Variants in HDAC7 observed in about 807,000 individuals in gnomAD.
The protein encoded by HDAC7 is histone deacetylase 7A.
Under a neutral mutation model 115.5 loss-of-function variants are expected in HDAC7, and 26 were observed. That is an observed-to-expected ratio of 0.23 (90% CI 0.16 to 0.31). The LOEUF (loss-of-function observed/expected upper bound fraction) is 0.31, where lower values mean the gene tolerates loss of function less well. Among genes scored for constraint, HDAC7 ranks in the 10% least tolerant of loss-of-function variants. The pLI is 1.00. For missense variants in HDAC7, 1,068 were observed against 1,329.0 expected, an observed-to-expected ratio of 0.80 and a Z score of 3.05; for synonymous variants, 564 against 550.9, an observed-to-expected ratio of 1.02 and a Z score of -0.33.
In HDAC7 at chr12:47,783,148, C is replaced by G. The variant is rs993084970; in HGVS notation, c.*693G>C. 1 of 152,716 alleles carries G rather than the reference C, an allele frequency of 6.5e-6. No individual in the cohort carries two copies. Among genetic ancestry groups the G allele is most frequent in the Non-Finnish European group, 1.5e-5 (1 of 68,440 alleles). 9.5% of individuals were successfully genotyped at this position (152,716 alleles called of 1,614,324 possible). A position where few individuals can be genotyped will look rare whatever the true frequency, so the allele number is the denominator to read the frequency against. On this transcript the variant is annotated 3_prime_UTR_variant, in exon 26 of 26. Transcript: ENST00000080059. ...GATGAAGGGTTTGGCACCATTGGATCAGGAAGCACAGGACTCCCAGAGCAC... is the reference window on the plus strand; with the variant it reads ...GATGAAGGGTTTGGCACCATTGGATGAGGAAGCACAGGACTCCCAGAGCAC...
In HDAC7 at chr12:47,783,900, C is replaced by T. The variant is rs201824169; in HGVS notation, c.2931-14G>A. The stretch of plus-strand genomic sequence containing the variant: ...TGCTCCGAGGGCCTGTGGGGAGGGA[C>T]AAGGGTGGGATGCTGGAGCACCAGG... On this transcript the variant is annotated splice_polypyrimidine_tract_variant and intron_variant, in intron 25 of 25. Coordinates refer to ENST00000080059, the MANE Select transcript of HDAC7 (RefSeq NM_015401.5). 3.6e-5 allele frequency: 58 copies of T among 1,613,062 alleles called. No individual in the cohort carries two copies. In the African/African-American group the frequency reaches 6.9e-4, roughly 19 times the overall value.
chr12:47,785,324 G>A (rs774139481), intron 24 of HDAC7, 63 bp downstream of exon 24: 2 of 1,410,078 alleles, frequency 1.4e-6, no homozygotes, highest in Admixed American at 2.1e-5. Flanking sequence ...TGGCCACGGT[G>A]GGGCAGGGTA....
Position 47,819,824 on chromosome 12 carries a change from G to T in HDAC7, c.-39C>A, listed in dbSNP as rs1944972864. Reference sequence around the variant, plus strand: ...CCCTCAGAGCGGGGGGCTCATGGCGGGGCGGGGGGCTGGGGCGCCGGCCTC... The same window carrying T: ...CCCTCAGAGCGGGGGGCTCATGGCGTGGCGGGGGGCTGGGGCGCCGGCCTC... On this transcript the variant is annotated 5_prime_UTR_variant, in exon 1 of 26. Transcript: ENST00000080059. The T allele has an allele frequency of 4.8e-6, 1 of 207,148 alleles. No homozygotes were observed. Among genetic ancestry groups the T allele is most frequent in the South Asian group, 1.6e-4 (1 of 6,228 alleles). The allele number at this position is 207,148 out of a possible 1,614,324, so 12.8% of individuals were successfully genotyped here. A position where few individuals can be genotyped will look rare whatever the true frequency, so the allele number is the denominator to read the frequency against.
chr12:47,817,376 C>T (rs1344690966), intron 1 of HDAC7: 1 of 152,472 alleles, frequency 6.6e-6, no homozygotes, highest in African/African-American at 2.4e-5. Context: ...TCCTCACCAT[C>T]ACCACAGGAA....
Position 47,795,869 on chromosome 12 carries a change from G to T in HDAC7, c.906+37C>A. 6.6e-7 allele frequency: 1 copy of T among 1,524,360 alleles called. No individual in the cohort carries two copies. The highest frequency in any genetic ancestry group is 1.2e-5 in the South Asian group (1 of 83,528). 94.4% of individuals were successfully genotyped at this position (1,524,360 alleles called of 1,614,324 possible). On this transcript the variant is annotated intron_variant, in intron 9 of 25. Coordinates refer to ENST00000080059, the MANE Select transcript of HDAC7 (RefSeq NM_015401.5). This position sits in a 1 kb window ranked among gnomAD's most constrained non-coding sequence, Gnocchi z 4.3. ...AGAAAAGGGAGTGAAAGAAGCTGGG[G>T]GGGCTTGGAGTGGGGGTGGGCACCC...
Position 47,797,497 on chromosome 12 carries a change from G to T in HDAC7, c.464C>A (p.Thr155Asn). The T allele has an allele frequency of 6.2e-7, 1 of 1,609,076 alleles. No homozygotes were observed. Among genetic ancestry groups the T allele is most frequent in the Non-Finnish European group, 8.5e-7 (1 of 1,177,050 alleles). The change falls in exon 6 of 26, where the codon ACC becomes AAC. Residue 155 changes from threonine (T) to asparagine (N), a missense_variant and splice_region_variant. Physicochemically the swap from Thr to Asn is moderately conservative, Grantham distance 65. Around this residue, in one of 6 missense-constraint regions of HDAC7, gnomAD observed 618 missense variants for 701.5 expected, o/e 0.88. Transcript: ENST00000080059. This position sits in a 1 kb window ranked among gnomAD's most constrained non-coding sequence, Gnocchi z 5.5. ...TCCTTCCGTCTCCAGGGGCTCCAGG[G>T]TTCTACAGAACGAGTGCCAAGGCTG... ...HPNSPGIPYR[T>N]LEPLETEGAT...
At position 47,803,637 on chromosome 12, in the gene HDAC7, C is replaced by G. The variant is rs1944267417; in HGVS notation, c.20-1363G>C. Among the ~76,000 whole-genome samples the G allele has an allele frequency of 6.6e-6, 1 of 152,218 alleles. No individual in the cohort carries two copies. The highest frequency in any genetic ancestry group is 1.5e-5 in the Non-Finnish European group (1 of 68,034). Reference sequence around the variant, plus strand: ...TCGCTCTGTGTCTACCACCTTGACACTTCATTCATCATGATCTCTGTGGTG... The same window carrying G: ...TCGCTCTGTGTCTACCACCTTGACAGTTCATTCATCATGATCTCTGTGGTG... On this transcript the variant is annotated intron_variant, in intron 1 of 25. Coordinates refer to ENST00000080059, the MANE Select transcript of HDAC7 (RefSeq NM_015401.5). The surrounding 1 kb of genome is among the most constrained non-coding windows in gnomAD (Gnocchi z 4.0).
At chr12:47,800,067 G>A (rs1413570318) in intron 2 of HDAC7, among the ~76,000 whole-genome samples, 1 of 152,204 alleles carries the variant, frequency 6.6e-6, no homozygotes, top group African/African-American at 2.4e-5. Flanking sequence ...ACCAGTCCAG[G>A]AGTCAGAAAT....
Position 47,795,730 on chromosome 12 carries a change from G to C in HDAC7, c.944C>G (p.Pro315Arg). The stretch of plus-strand genomic sequence containing the variant: ...GGGGCTCCCCAGGATTGGCCCCCGA[G>C]GGCCCAGAGTCGGATGGGTCCTGCG... ...SDRRTHPTLG[P>R]RGPILGSPHT... The change falls in exon 10 of 26, where the codon CCT (proline) becomes CGT (arginine). Residue 315 changes from proline (P) to arginine (R), a missense_variant. Pro to Arg is a moderately radical substitution (Grantham distance 103, BLOSUM62 -2). Around this residue, in one of 6 missense-constraint regions of HDAC7, gnomAD observed 618 missense variants for 701.5 expected, o/e 0.88. Coordinates refer to ENST00000080059, the MANE Select transcript of HDAC7 (RefSeq NM_015401.5). The surrounding 1 kb of genome is among the most constrained non-coding windows in gnomAD (Gnocchi z 4.3). The C allele has an allele frequency of 1.9e-6, 3 of 1,545,542 alleles. No individual in the cohort carries two copies. Among genetic ancestry groups the C allele is most frequent in the Non-Finnish European group, 2.6e-6 (3 of 1,144,232 alleles).
chr12:47,818,640 T>C (rs1273677698), intron 1 of HDAC7, among the ~76,000 whole-genome samples: 2 of 152,210 alleles, frequency 1.3e-5, no homozygotes, highest in South Asian at 2.1e-4. Context: ...GAAGTTGATC[T>C]TGAGCTCCCA....
At chr12:47,815,169 A>C (rs773836950) in intron 1 of HDAC7, among the ~76,000 whole-genome samples, 9 of 152,224 alleles carry the variant, frequency 5.9e-5, no homozygotes, top group Non-Finnish European at 1.0e-4. Context: ...ATGACACTCA[A>C]CAGTTCCAGG....
intron 1 of HDAC7, among the ~76,000 whole-genome samples, chr12:47,809,987 C>T (rs1944580434): frequency 1.3e-5 from 2 of 152,098 alleles, no homozygotes; most frequent in South Asian, 4.1e-4. Flanking sequence ...CACTCTGTCA[C>T]CCAGACTGGA....
Position 47,795,330 on chromosome 12 carries a change from T to C in HDAC7, c.1138A>G (p.Thr380Ala), listed in dbSNP as rs1215149206. 1 of 1,611,158 alleles carries C rather than the reference T, an allele frequency of 6.2e-7. No homozygotes were observed. The highest frequency in any genetic ancestry group is 8.5e-7 in the Non-Finnish European group (1 of 1,179,254). ...PFHFAQSLMT[T>A]ERLSGSGLHW... is the part of the protein sequence containing the mutation. ...AGGCCTGACCCAGAGAGCCGCTCGGTGGTCATTAAGGACTGGGCAAAGTGG... is the reference window on the plus strand; with the variant it reads ...AGGCCTGACCCAGAGAGCCGCTCGGCGGTCATTAAGGACTGGGCAAAGTGG... Residue 380 changes from threonine (T) to alanine (A), a missense_variant, in exon 11 of 26, where the codon ACC becomes GCC. By Grantham distance (58) the Thr-to-Ala change is moderately conservative. Around this residue, in one of 6 missense-constraint regions of HDAC7, gnomAD observed 618 missense variants for 701.5 expected, o/e 0.88. Transcript: ENST00000080059. This position sits in a 1 kb window ranked among gnomAD's most constrained non-coding sequence, Gnocchi z 4.3.
At chr12:47,802,074 C>T (rs913408660) in intron 2 of HDAC7, 150 bp downstream of exon 2, 68 of 760,384 alleles carry the variant, frequency 8.9e-5, no homozygotes, top group African/African-American at 2.6e-4. Flanking sequence ...CCCGGCTCCT[C>T]GCCCCTCCCT....
At chr12:47,789,174 A>C in intron 19 of HDAC7, 87 bp downstream of exon 19, 1 of 1,050,750 alleles carries the variant, frequency 9.5e-7, no homozygotes, top group Non-Finnish European at 1.5e-6. Context: ...CTGCAGAACT[A>C]AGACATGAAG....
intron 1 of HDAC7, among the ~76,000 whole-genome samples, chr12:47,816,016 C>T (rs1343690615): frequency 2.0e-5 from 3 of 151,850 alleles, no homozygotes; most frequent in Non-Finnish European, 4.4e-5. Context: ...CTCAGCCTCC[C>T]GAGTAGCTGG....
In HDAC7 at chr12:47,798,087, G is replaced by A; in HGVS notation, c.461+21C>T. The A allele has an allele frequency of 6.5e-7, 1 of 1,550,334 alleles. No individual in the cohort carries two copies. Among genetic ancestry groups the A allele is most frequent in the East Asian group, 2.2e-5 (1 of 44,590 alleles). ...TGGAGGGTGCATGTGGGGACAGGAGGGCAGGTGAGGAGGGTGTTACCTGTA... is the reference window on the plus strand; with the variant it reads ...TGGAGGGTGCATGTGGGGACAGGAGAGCAGGTGAGGAGGGTGTTACCTGTA... On this transcript the variant is annotated intron_variant, in intron 5 of 25. Coordinates refer to ENST00000080059, the MANE Select transcript of HDAC7 (RefSeq NM_015401.5). This position sits in a 1 kb window ranked among gnomAD's most constrained non-coding sequence, Gnocchi z 4.3.
At chr12:47,784,857 T>A in intron 24 of HDAC7, 1 of 1,277,968 alleles carries the variant, frequency 7.8e-7, no homozygotes, top group South Asian at 1.3e-5. Context: ...ACGGCTCCCC[T>A]ACCCAGCCCT....
intron 16 of HDAC7, chr12:47,790,986 G>A (rs533558269): frequency 7.9e-5 from 44 of 557,448 alleles, no homozygotes; most frequent in South Asian, 1.7e-4. Flanking sequence ...CCCAGCCTTG[G>A]CCCTGCTCCT....
Sources: allele counts gnomAD v4.1 joint callset (sites outside exome capture counted in the v4.1 genomes callset), GRCh38; gene constraint gnomAD v4.1.1; regional missense constraint gnomAD v4.1.1; non-coding constraint Gnocchi (gnomAD v3.1); transcripts MANE v1.5; gene names NCBI Gene and HGNC (gene_info 2026-07-23, HGNC 2026-07-21).